Variants in ZNF654 observed in about 807,000 individuals in gnomAD.
ZNF654 encodes melanoma-associated antigen.
In ZNF654, 19 loss-of-function variants were observed where a neutral mutation model predicts 95.3. The ratio of observed to expected loss-of-function variants is 0.20; its 90% confidence interval spans 0.14 to 0.29. The LOEUF is 0.29. Ranked by LOEUF, ZNF654 falls within the 10% of genes least tolerant of loss-of-function variation. The pLI is 1.00. For synonymous variants in ZNF654, 413 were observed against 457.9 expected, an observed-to-expected ratio of 0.90 and a Z score of 1.25; for missense variants, 1,046 against 1,341.0, an observed-to-expected ratio of 0.78 and a Z score of 3.44.
At chr3:88,132,663 G>A (rs1292301342) in intron 6 of ZNF654, among the ~76,000 whole-genome samples, 1 of 152,144 alleles carries the variant, frequency 6.6e-6, no homozygotes, top group Non-Finnish European at 1.5e-5. Flanking sequence ...AACTTATTAG[G>A]ATATTGCAGT....
In ZNF654 at chr3:88,140,469, A is replaced by G. The variant is rs1559738391; in HGVS notation, c.2800A>G (p.Lys934Glu). The change falls in exon 8 of 9, where the codon AAA becomes GAA. Residue 934 changes from lysine to glutamate, a missense_variant. By Grantham distance (56) the Lys-to-Glu change is moderately conservative (BLOSUM62 1). Coordinates refer to ENST00000636215, the MANE Select transcript of ZNF654 (RefSeq NM_001350134.2). ...GACATGTATAGAAAGTATGGAAAAG[A>G]AAACAGACAGTTTAGTTCAGAATGG... ...PKTCIESMEKKTDSLVQNGNE... is the reference protein window; with the variant it reads ...PKTCIESMEKETDSLVQNGNE... 1.7e-5 allele frequency: 28 copies of G among 1,613,746 alleles called. No homozygotes were observed. The highest frequency in any genetic ancestry group is 2.1e-5 in the Non-Finnish European group (25 of 1,179,762).
At chr3:88,104,912 G>C (rs1199410809) in intron 2 of ZNF654, among the ~76,000 whole-genome samples, 1 of 152,214 alleles carries the variant, frequency 6.6e-6, no homozygotes, top group Non-Finnish European at 1.5e-5. Flanking sequence ...GCCAAGGTGG[G>C]CAGATTACTT....
At position 88,139,568 on chromosome 3, in the gene ZNF654, T is replaced by C; in HGVS notation, c.1899T>C (p.Ser633=). 6.2e-7 allele frequency: 1 copy of C among 1,613,604 alleles called. No homozygotes were observed. The highest frequency in any genetic ancestry group is 1.1e-5 in the South Asian group (1 of 91,016). The change falls in exon 8 of 9, where the codon TCT becomes TCC. Residue 633 remains serine, a synonymous_variant. Transcript: ENST00000636215. ...SSSISFENGN[S]DSKDLEVETL... ...CCATTTCATTTGAAAATGGGAATTC[T>C]GATAGTAAGGATTTGGAAGTGGAGA...
At chr3:88,101,689 C>G (rs1576280279) in intron 2 of ZNF654, among the ~76,000 whole-genome samples, 1 of 152,032 alleles carries the variant, frequency 6.6e-6, no homozygotes, top group African/African-American at 2.4e-5. Flanking sequence ...AGGTAGATAC[C>G]TAGGCATAGA....
intron 2 of ZNF654, among the ~76,000 whole-genome samples, chr3:88,092,360 A>T (rs1339767950): frequency 6.6e-6 from 1 of 152,228 alleles, no homozygotes; most frequent in Admixed American, 6.5e-5. Flanking sequence ...GAGCTAAGAG[A>T]TATTATATTA....
intron 2 of ZNF654, among the ~76,000 whole-genome samples, chr3:88,107,554 A>AT (rs1370526027): frequency 6.6e-6 from 1 of 152,124 alleles, no homozygotes; most frequent in Non-Finnish European, 1.5e-5. Context: ...GTTGCGAAAA[A>AT]TTCTCGTCCA....
At position 88,105,194 on chromosome 3, in the gene ZNF654, G is replaced by C. The variant is rs144134680; in HGVS notation, c.333-7921G>C. On this transcript the variant is annotated intron_variant, in intron 2 of 8. Transcript: ENST00000636215. ...AATGGTCTATGCCTATTAAAGACAGGAATTCGGTTGATAGAAAAGCAAGGT... is the reference window on the plus strand; with the variant it reads ...AATGGTCTATGCCTATTAAAGACAGCAATTCGGTTGATAGAAAAGCAAGGT... Among the ~76,000 whole-genome samples the C allele has an allele frequency of 2.4e-3, 370 of 152,236 alleles. 3 individuals are homozygous for C. The highest frequency in any genetic ancestry group is 8.2e-3 in the African/African-American group (341 of 41,552).
intron 2 of ZNF654, among the ~76,000 whole-genome samples, chr3:88,105,626 A>G (rs2107735633): frequency 6.6e-6 from 1 of 152,220 alleles, no homozygotes; most frequent in East Asian, 1.9e-4. Flanking sequence ...ACCATTTTGT[A>G]TAACCTACCC....
At chr3:88,084,486 C>A (rs781230973) in intron 1 of ZNF654, among the ~76,000 whole-genome samples, 2 of 152,150 alleles carry the variant, frequency 1.3e-5, no homozygotes, top group Non-Finnish European at 2.9e-5. Flanking sequence ...GTAGTGATGA[C>A]CGCATAGTTA....
chr3:88,060,167 C>T (rs1057439366), intron 1 of ZNF654, among the ~76,000 whole-genome samples: 17 of 152,060 alleles, frequency 1.1e-4, no homozygotes, highest in Admixed American at 2.6e-4. Context: ...TTCTAATTAA[C>T]TGCTCATAAT....
Position 88,139,998 on chromosome 3 carries a change from G to A in ZNF654, c.2329G>A (p.Val777Met). The change falls in exon 8 of 9, where the codon GTG (valine) becomes ATG (methionine). Residue 777 changes from valine to methionine, a missense_variant. Around this residue, in one of 9 missense-constraint regions of ZNF654, gnomAD observed 495 missense variants for 537.0 expected, o/e 0.92. Coordinates refer to ENST00000636215, the MANE Select transcript of ZNF654 (RefSeq NM_001350134.2). ...GACCGTACATCCAACCGATTTAAAT[G>A]TGCGACAAACAGTAATGAAGTGGAG... is the stretch of plus-strand genomic sequence containing the variant. ...AMTVHPTDLNVRQTVMKWSKG... is the reference protein window; with the variant it reads ...AMTVHPTDLNMRQTVMKWSKG... The A allele has an allele frequency of 6.2e-7, 1 of 1,613,770 alleles. No individual in the cohort carries two copies.
In ZNF654 at chr3:88,138,716, A is replaced by C. The variant is rs1343677843; in HGVS notation, c.1047A>C (p.Glu349Asp). 1.1e-5 allele frequency: 13 copies of C among 1,231,844 alleles called. No individual in the cohort carries two copies. Among genetic ancestry groups the C allele is most frequent in the East Asian group, 6.3e-5 (2 of 31,696 alleles). 76.3% of individuals were successfully genotyped at this position (1,231,844 alleles called of 1,614,324 possible). A position where few individuals can be genotyped will look rare whatever the true frequency, so the allele number is the denominator to read the frequency against. ...MKIIKDEVEE[E>D]GLQICVEICG... ...TTTTCTTTTTACAGGTTGAAGAAGA[A>C]GGCTTGCAAATTTGTGTTGAAATAT... is the stretch of plus-strand genomic sequence containing the variant. Residue 349 changes from glutamate to aspartate, a missense_variant, in exon 8 of 9, where the codon GAA becomes GAC. Physicochemically the swap from Glu to Asp is conservative, Grantham distance 45. Transcript: ENST00000636215.
At chr3:88,105,075 G>C (rs545801764) in intron 2 of ZNF654, among the ~76,000 whole-genome samples, 7 of 152,218 alleles carry the variant, frequency 4.6e-5, no homozygotes, top group Admixed American at 2.6e-4. Context: ...AGGAGGTGGA[G>C]GTAGCAGTGA....
At chr3:88,132,484 A>C (rs1392845098) in intron 6 of ZNF654, among the ~76,000 whole-genome samples, 2 of 152,196 alleles carry the variant, frequency 1.3e-5, no homozygotes, top group Non-Finnish European at 2.9e-5. Context: ...AATGGTTTTC[A>C]GGATTTTTTT....
rs186638222 is a variant in ZNF654 at position 88,128,978 on chromosome 3, T to C, written c.720T>C (p.Phe240=). Residue 240 remains phenylalanine, a synonymous_variant, in exon 5 of 9, where the codon TTT becomes TTC. Transcript: ENST00000636215. ...YFHQALFTCL[F]MSPVEDQLFR... is the part of the protein sequence containing the mutation. The stretch of plus-strand genomic sequence containing the variant: ...ATCAAGCACTCTTCACATGTCTGTT[T>C]ATGTCACCTGTAGAAGATCAGCTAT... 11 of 1,535,002 alleles carry C rather than the reference T, an allele frequency of 7.2e-6. No individual in the cohort carries two copies. The Admixed American group carries it at 2.2e-4, about 30-fold the overall frequency.
At chr3:88,083,958 T>G (rs201329299) in intron 1 of ZNF654, among the ~76,000 whole-genome samples, 1 of 40,630 alleles carries the variant, frequency 2.5e-5, no homozygotes, top group African/African-American at 6.4e-5. Flanking sequence ...TATATATATA[T>G]ATATATATAG....
intron 6 of ZNF654, among the ~76,000 whole-genome samples, chr3:88,134,010 G>T (rs1312438439): frequency 1.3e-5 from 2 of 151,678 alleles, no homozygotes; most frequent in Non-Finnish European, 2.9e-5. Context: ...AATATAAATT[G>T]AAACACCCAG....
In ZNF654 at chr3:88,088,740, TTATTTATG is replaced by T. The variant is rs1346975791; in HGVS notation, c.332+2342_332+2349del. Among the ~76,000 whole-genome samples, 73 of 94,812 alleles carry T rather than the reference TTATTTATG, an allele frequency of 7.7e-4. No homozygotes were observed. In the South Asian group the frequency reaches 0.023, roughly 30 times the overall value. The allele number at this position is 94,812 out of a possible 152,430, so 62.2% of individuals were successfully genotyped here. ...AGTGAGGCAGTTTAAAAAAAAACCTTTATTTATGTATGTATGTATGTATGGATGGATGG... is the reference window on the plus strand; with the variant it reads ...AGTGAGGCAGTTTAAAAAAAAACCTTTATGTATGTATGTATGGATGGATGG... On this transcript the variant is annotated intron_variant, in intron 2 of 8. Transcript: ENST00000636215.
In ZNF654 at chr3:88,140,077, T is replaced by C. The variant is rs1443372517; in HGVS notation, c.2408T>C (p.Ile803Thr). The change falls in exon 8 of 9, where the codon ATA becomes ACA. Residue 803 changes from isoleucine (I) to threonine (T), a missense_variant. Ile to Thr is a moderately conservative substitution (Grantham distance 89, BLOSUM62 -1). Around this residue, in one of 9 missense-constraint regions of ZNF654, gnomAD observed 495 missense variants for 537.0 expected, o/e 0.92. Coordinates refer to ENST00000636215, the MANE Select transcript of ZNF654 (RefSeq NM_001350134.2). ...QRQFEDSQHF[I>T]DHLNRHSYPN... The stretch of plus-strand genomic sequence containing the variant: ...CAATTTGAAGATTCTCAACATTTTA[T>C]AGACCACCTTAATAGACATAGCTAT... The C allele has an allele frequency of 1.2e-5, 19 of 1,613,828 alleles. No homozygotes were observed. Among genetic ancestry groups the C allele is most frequent in the Admixed American group, 1.7e-5 (1 of 59,970 alleles).
Sources: allele counts gnomAD v4.1 joint callset (sites outside exome capture counted in the v4.1 genomes callset), GRCh38; gene constraint gnomAD v4.1.1; regional missense constraint gnomAD v4.1.1; transcripts MANE v1.5; gene names NCBI Gene and HGNC (gene_info 2026-07-23, HGNC 2026-07-21).